The following DOT1L variants were observed in gnomAD, a reference collection of about 807,000 sequenced individuals.
DOT1L encodes DOT1 like histone lysine methyltransferase, also known as histone-lysine N-methyltransferase, H3 lysine-79 specific.
Under a neutral mutation model 153.3 loss-of-function variants are expected in DOT1L, and 33 were observed. The ratio of observed to expected loss-of-function variants is 0.22; its 90% CI spans 0.16 to 0.29. The LOEUF (loss-of-function observed/expected upper bound fraction) is 0.29, where lower values mean the gene tolerates loss of function less well. Ranked by LOEUF, DOT1L falls within the 10% of genes least tolerant of loss-of-function variation. The pLI is 1.00. For synonymous variants in DOT1L, 1,135 were observed against 965.1 expected, an observed-to-expected ratio of 1.18 and a Z score of -3.26; for missense variants, 1,847 against 2,119.9, an observed-to-expected ratio of 0.87 and a Z score of 2.53.
chr19:2,207,535 G>GGCAGGC lies in DOT1L; in HGVS notation c.857-32_857-27dup, dbSNP rs1456408695. The GGCAGGC allele has an allele frequency of 5.7e-6, 9 of 1,568,706 alleles. No individual in the cohort carries two copies. Among genetic ancestry groups the GGCAGGC allele is most frequent in the Non-Finnish European group, 6.1e-6 (7 of 1,153,884 alleles). ...GTGAGGTCTGCATGGAGGGGCTGTG[G>GGCAGGC]GCAGGCGCAGGCCCCGGCCTCACCT... On this transcript the variant is annotated intron_variant, in intron 10 of 27. Transcript: ENST00000398665. The surrounding 1 kb of genome is among the most constrained non-coding windows in gnomAD (Gnocchi z 4.5).
At chr19:2,226,042 C>T (rs1329366759) in intron 26 of DOT1L, 141 bp from the exon 27 acceptor site, 3 of 893,534 alleles carry the variant, frequency 3.4e-6, no homozygotes, top group African/African-American at 3.4e-5. Context: ...CTCTCCCATC[C>T]TGTCCCGCTT....
intron 23 of DOT1L, chr19:2,221,426 GCTGCGCCC>G (rs1402390725): frequency 6.5e-6 from 1 of 153,726 alleles, no homozygotes; most frequent in Non-Finnish European, 1.4e-5. Context: ...GAAGCGCCTT[GCTGCGCCC>G]CTGCACTGAG....
intron 3 of DOT1L, among the ~76,000 whole-genome samples, chr19:2,188,492 C>CT (rs1334773979): frequency 1.5e-5 from 2 of 131,364 alleles, no homozygotes; most frequent in Admixed American, 7.3e-5. Flanking sequence ...CCCCCCCCCC[C>CT]CCACCCGCAC....
rs753115153 is a variant in DOT1L, at chr19:2,210,838, C to T, written c.1334C>T (p.Ala445Val). The T allele has an allele frequency of 6.8e-6, 11 of 1,612,506 alleles. No homozygotes were observed. The highest frequency in any genetic ancestry group is 3.3e-5 in the South Asian group (3 of 91,060). Reference protein sequence around the residue: ...ALHAQTVSQTAASSPQDAYRS... With the variant: ...ALHAQTVSQTVASSPQDAYRS... ...CACGCTCAGACCGTGTCTCAGACGG[C>T]GGCCTCCTCACCCCAGGGTGAGCCG... Residue 445 changes from alanine (A) to valine (V), a missense_variant, in exon 14 of 28, where the codon GCG becomes GTG. By Grantham distance (64) the Ala-to-Val change is moderately conservative (BLOSUM62 0). Transcript: ENST00000398665.
At position 2,226,256 on chromosome 19, in the gene DOT1L, C is replaced by G. The variant is rs2024324463; in HGVS notation, c.3735C>G (p.Phe1245Leu). ...PVNSSKWKST[F>L]SPISDIGLAK... ...ATAGCAGCAAGTGGAAGTCCACCTTCTCGCCCATCTCCGACATCGGCCTGG... is the reference window on the plus strand; with the variant it reads ...ATAGCAGCAAGTGGAAGTCCACCTTGTCGCCCATCTCCGACATCGGCCTGG... Residue 1245 changes from phenylalanine to leucine, a missense_variant, in exon 27 of 28, where the codon TTC (phenylalanine) becomes TTG (leucine). Physicochemically the swap from Phe to Leu is conservative, Grantham distance 22 (BLOSUM62 0). Coordinates refer to ENST00000398665, the MANE Select transcript of DOT1L (RefSeq NM_032482.3). 6.3e-7 allele frequency: 1 copy of G among 1,581,802 alleles called. No homozygotes were observed. Among genetic ancestry groups the G allele is most frequent in the South Asian group, 1.1e-5 (1 of 87,168 alleles).
Position 2,222,894 on chromosome 19 carries a change from C to CAA in DOT1L, c.3390+343_3390+344dup. 3 of 368,882 alleles carry CAA rather than the reference C, an allele frequency of 8.1e-6. No individual in the cohort carries two copies. The highest frequency in any genetic ancestry group is 4.4e-5 in the Admixed American group (1 of 22,630). 22.9% of individuals were successfully genotyped at this position (368,882 alleles called of 1,614,324 possible). A position where few individuals can be genotyped will look rare whatever the true frequency, so the allele number is the denominator to read the frequency against. ...CCTCTCGGGGGGACAAAAAAAAACACAAAAAAAAACAGGTGGAGGCAGGGG... is the reference window on the plus strand; with the variant it reads ...CCTCTCGGGGGGACAAAAAAAAACACAAAAAAAAAAACAGGTGGAGGCAGGGG... On this transcript the variant is annotated intron_variant, in intron 24 of 27. Transcript: ENST00000398665. This position sits in a 1 kb window ranked among gnomAD's most constrained non-coding sequence, Gnocchi z 6.5.
chr19:2,206,689 CCT>C (rs766071484), intron 9 of DOT1L, 38 bp from the exon 10 acceptor site: 2 of 1,607,714 alleles, frequency 1.2e-6, no homozygotes, highest in South Asian at 1.1e-5. Context: ...TCTTCTGTTT[CCT>C]CTCTCCTGTG....
chr19:2,227,372 G>T (rs778209351), intron 27 of DOT1L: 1 of 716,224 alleles, frequency 1.4e-6, no homozygotes, highest in East Asian at 2.8e-5. Context: ...GAAGGCCACC[G>T]TGCGCAGGGC....
At chr19:2,168,403 C>T (rs898322035) in intron 1 of DOT1L, among the ~76,000 whole-genome samples, 1 of 152,196 alleles carries the variant, frequency 6.6e-6, no homozygotes, top group Admixed American at 6.5e-5. Context: ...CAGGGAGGGG[C>T]TGCCACTTCT....
intron 1 of DOT1L, among the ~76,000 whole-genome samples, chr19:2,168,132 C>T (rs530470385): frequency 6.6e-6 from 1 of 152,186 alleles, no homozygotes; most frequent in Non-Finnish European, 1.5e-5. Context: ...CAATATTCTC[C>T]CCCCGCCACC....
rs373179094 is a variant in DOT1L, at chr19:2,229,808, C to T, written c.*16C>T. On this transcript the variant is annotated 3_prime_UTR_variant, in exon 28 of 28. Coordinates refer to ENST00000398665, the MANE Select transcript of DOT1L (RefSeq NM_032482.3). ...AGGTAACTAGGATTTCTACCTCAAC[C>T]GCGAGACCTATGCAAGGACGGTGTG... is the stretch of plus-strand genomic sequence containing the variant. 21 of 1,613,128 alleles carry T rather than the reference C, an allele frequency of 1.3e-5. No individual in the cohort carries two copies. The highest frequency in any genetic ancestry group is 5.3e-5 in the African/African-American group (4 of 74,932).
intron 27 of DOT1L, chr19:2,227,732 T>G: frequency 1.5e-6 from 2 of 1,314,314 alleles, no homozygotes; most frequent in Non-Finnish European, 2.0e-6. Flanking sequence ...CTCTCCTATT[T>G]GCAGGTGTCT....
Position 2,193,501 on chromosome 19 carries a change from T to C in DOT1L, c.494-188T>C, listed in dbSNP as rs999612732. 2.6e-5 allele frequency among the ~76,000 whole-genome samples: 4 copies of C among 152,132 alleles called. No individual in the cohort carries two copies. The highest frequency in any genetic ancestry group is 9.7e-5 in the African/African-American group (4 of 41,436). ...GTGATGACCGTCCCCTCGTGGGGGC[T>C]CTGTCAGGGGCCTGGTCTCTGGGAA... On this transcript the variant is annotated intron_variant, in intron 5 of 27. Transcript: ENST00000398665. The surrounding 1 kb of genome is among the most constrained non-coding windows in gnomAD (Gnocchi z 5.9).
chr19:2,195,000 G>C (rs1393447546), intron 7 of DOT1L, among the ~76,000 whole-genome samples: 1 of 152,158 alleles, frequency 6.6e-6, no homozygotes. Context: ...CAGCAACCTC[G>C]GGGTGGGCAG....
intron 1 of DOT1L, among the ~76,000 whole-genome samples, chr19:2,167,070 G>A (rs1273917914): frequency 6.6e-6 from 1 of 152,190 alleles, no homozygotes; most frequent in Non-Finnish European, 1.5e-5. Context: ...GGACAGTTGG[G>A]CCACAGATTG....
chr19:2,180,636 C>A, intron 1 of DOT1L, 77 bp from the exon 2 acceptor site: 1 of 1,565,480 alleles, frequency 6.4e-7, no homozygotes, highest in South Asian at 1.1e-5. Flanking sequence ...TTGACGGCAT[C>A]GCTTGTCCGG....
chr19:2,209,366 T>C (rs1456064125), intron 12 of DOT1L, among the ~76,000 whole-genome samples: 3 of 152,226 alleles, frequency 2.0e-5, no homozygotes, highest in African/African-American at 2.4e-5. Context: ...TTAATACTTA[T>C]TTTTGGGGAG....
chr19:2,169,369 G>A (rs1250158915), intron 1 of DOT1L, among the ~76,000 whole-genome samples: 1 of 152,186 alleles, frequency 6.6e-6, no homozygotes. Flanking sequence ...AAAAACCCAA[G>A]TGTTCCGTTT....
chr19:2,218,249 G>A (rs1215599972), intron 22 of DOT1L, among the ~76,000 whole-genome samples: 3 of 152,222 alleles, frequency 2.0e-5, no homozygotes, highest in Non-Finnish European at 4.4e-5. Context: ...CCTCACAGCT[G>A]CCTCTGGGTT....
Sources: gnomAD v4.1 joint callset for allele counts (sites outside exome capture counted in the v4.1 genomes callset) on GRCh38, gnomAD v4.1.1 for gene constraint, Gnocchi (gnomAD v3.1) non-coding constraint, MANE v1.5 for transcripts, NCBI Gene and HGNC (gene_info 2026-07-23, HGNC 2026-07-21) for gene names.